DRG1: variants seen among roughly 807,000 people sequenced by gnomAD.
DRG1 encodes developmentally-regulated GTP-binding protein 1.
In DRG1, 19 loss-of-function variants were observed where a neutral mutation model predicts 38.8. The observed-to-expected ratio is 0.49, with a 90% CI of 0.34 to 0.72. The LOEUF (loss-of-function observed/expected upper bound fraction) is 0.72, where lower values mean the gene tolerates loss of function less well. Ranked by LOEUF, DRG1 falls within the 30% of genes least tolerant of loss-of-function variation. The pLI is 0.01. For missense variants in DRG1, 299 were observed against 444.8 expected, an observed-to-expected ratio of 0.67 and a Z score of 2.95; for synonymous variants, 167 against 157.5, an observed-to-expected ratio of 1.06 and a Z score of -0.45.
At chr22:31,427,580 T>C (rs1052426447) in intron 8 of DRG1, among the ~76,000 whole-genome samples, 5 of 152,108 alleles carry the variant, frequency 3.3e-5, no homozygotes, top group Non-Finnish European at 7.3e-5. Flanking sequence ...AAAAAATTAT[T>C]TTATTTTTGC....
intron 5 of DRG1, among the ~76,000 whole-genome samples, chr22:31,422,445 G>C (rs988984298): frequency 6.6e-6 from 1 of 152,048 alleles, no homozygotes; most frequent in Non-Finnish European, 1.5e-5. Context: ...AGAAAAAAAA[G>C]AAAGAAAAGA....
intron 4 of DRG1, among the ~76,000 whole-genome samples, chr22:31,411,968 C>A (rs761129468): frequency 3.3e-5 from 5 of 151,778 alleles, no homozygotes; most frequent in East Asian, 1.9e-4. Context: ...TGATAAAAAA[C>A]CAACTTTTTT....
chr22:31,412,758 C>T (rs1475012145), intron 4 of DRG1, among the ~76,000 whole-genome samples: 2 of 149,878 alleles, frequency 1.3e-5, no homozygotes, highest in South Asian at 4.3e-4. Context: ...GGTGGGATCT[C>T]GGCTCACTGG....
At chr22:31,433,216 T>C (rs2050150810) in intron 8 of DRG1, among the ~76,000 whole-genome samples, 1 of 151,882 alleles carries the variant, frequency 6.6e-6, no homozygotes, top group Non-Finnish European at 1.5e-5. Context: ...TGATATTGTA[T>C]CTGTAAGAAT....
chr22:31,431,426 T>C (rs1002271300), intron 8 of DRG1, among the ~76,000 whole-genome samples: 2 of 152,108 alleles, frequency 1.3e-5, no homozygotes. Context: ...CAGCACTTTG[T>C]GGCCAAGGCA....
intron 2 of DRG1, among the ~76,000 whole-genome samples, chr22:31,402,582 C>G (rs1214577118): frequency 2.8e-5 from 4 of 143,638 alleles, no homozygotes; most frequent in Non-Finnish European, 6.0e-5. Flanking sequence ...GATCACAGCT[C>G]ACTGCAGCCT....
At chr22:31,431,906 T>A (rs1036180556) in intron 8 of DRG1, among the ~76,000 whole-genome samples, 1 of 152,166 alleles carries the variant, frequency 6.6e-6, no homozygotes, top group Non-Finnish European at 1.5e-5. Context: ...TATATAGCTC[T>A]TTCCTTCTAT....
chr22:31,407,706 G>A (rs566339288), intron 3 of DRG1, among the ~76,000 whole-genome samples: 4 of 135,074 alleles, frequency 3.0e-5, no homozygotes, highest in South Asian at 2.3e-4. Context: ...TTTTGAGTAC[G>A]TTCTTGAATG....
chr22:31,421,173 C>A (rs1177245507), intron 5 of DRG1: 1 of 152,142 alleles, frequency 6.6e-6, no homozygotes, highest in South Asian at 2.1e-4. Context: ...AGTACAGTGG[C>A]ACAATCATAG....
In DRG1 at chr22:31,423,399, G is replaced by A. The variant is rs1436458136; in HGVS notation, c.702G>A (p.Val234=). ...DATADDLIDV[V]EGNRVYIPCI... ...CAGCTGATGACCTCATTGATGTGGT[G>A]GAAGGAAACAGGTACTGACTGAGTG... The change falls in exon 6 of 9, where the codon GTG becomes GTA. Residue 234 remains valine (V), a synonymous_variant. Coordinates refer to ENST00000331457, the MANE Select transcript of DRG1 (RefSeq NM_004147.4). The A allele has an allele frequency of 5.6e-6, 9 of 1,613,954 alleles. No individual in the cohort carries two copies. Among genetic ancestry groups the A allele is most frequent in the Admixed American group, 1.7e-5 (1 of 59,962 alleles).
intron 4 of DRG1, among the ~76,000 whole-genome samples, chr22:31,411,753 G>A (rs2050019502): frequency 6.6e-6 from 1 of 151,254 alleles, no homozygotes; most frequent in African/African-American, 2.4e-5. Flanking sequence ...TGAAGCTCAA[G>A]TGATCTGCCT....
At position 31,414,984 on chromosome 22, in the gene DRG1, C is replaced by CG. The variant is rs1333898341; in HGVS notation, c.412+3903_412+3904insG. The stretch of plus-strand genomic sequence containing the variant: ...TGAGAGACAGTCTCACTATGTTGTT[C>CG]AGGGTGGTCTCGAAAACCCCGGGCT... On this transcript the variant is annotated intron_variant, in intron 4 of 8. Transcript: ENST00000331457. 7.2e-5 allele frequency among the ~76,000 whole-genome samples: 11 copies of CG among 152,090 alleles called. No individual in the cohort carries two copies. In the South Asian group the frequency reaches 2.1e-3, roughly 29 times the overall value.
At chr22:31,424,672 G>C (rs973815730) in intron 6 of DRG1, among the ~76,000 whole-genome samples, 2 of 149,514 alleles carry the variant, frequency 1.3e-5, no homozygotes, top group African/African-American at 4.9e-5. Flanking sequence ...CTAATTTTTT[G>C]TATTTTTAGT....
Position 31,403,018 on chromosome 22 carries a change from T to G in DRG1, c.167-11T>G. On this transcript the variant is annotated splice_polypyrimidine_tract_variant and intron_variant, in intron 2 of 8. Coordinates refer to ENST00000331457, the MANE Select transcript of DRG1 (RefSeq NM_004147.4). ...TAACTCTCCTCTTTTTGGTATTCAT[T>G]GATGTTTTAGGTTTTGATGTGGCCA... 1.2e-6 allele frequency: 2 copies of G among 1,605,740 alleles called. No homozygotes were observed. The highest frequency in any genetic ancestry group is 1.7e-6 in the Non-Finnish European group (2 of 1,176,618).
At chr22:31,418,426 C>T (rs1415276573) in intron 4 of DRG1, among the ~76,000 whole-genome samples, 2 of 152,108 alleles carry the variant, frequency 1.3e-5, no homozygotes, top group African/African-American at 4.8e-5. Flanking sequence ...CGACTGCACT[C>T]CAGCCTGAGT....
chr22:31,400,486 TG>T, intron 1 of DRG1, 133 bp from the exon 2 acceptor site: 3 of 1,115,164 alleles, frequency 2.7e-6, no homozygotes, highest in Non-Finnish European at 3.8e-6. Context: ...GAGGAGATAA[TG>T]GACTTTTACT....
chr22:31,409,285 A>G (rs1319231356), intron 3 of DRG1, among the ~76,000 whole-genome samples: 3 of 151,972 alleles, frequency 2.0e-5, no homozygotes, highest in Non-Finnish European at 4.4e-5. Flanking sequence ...GGGTTTCACC[A>G]TGTTGGCTAG....
intron 8 of DRG1, among the ~76,000 whole-genome samples, chr22:31,431,035 C>CCCCCCCCCCT (rs2050136481): frequency 1.8e-5 from 1 of 56,764 alleles, no homozygotes; most frequent in Non-Finnish European, 3.2e-5. Flanking sequence ...CCCCCCCCCG[C>CCCCCCCCCCT]TTTTTTTTTT....
intron 3 of DRG1, among the ~76,000 whole-genome samples, chr22:31,408,752 CAA>C (rs66474618): frequency 3.6e-5 from 4 of 111,488 alleles, no homozygotes; most frequent in Admixed American, 1.0e-4. Context: ...GACTCATTCT[CAA>C]AAAAAAAAAA....
Sources: gnomAD v4.1 joint callset for allele counts (sites outside exome capture counted in the v4.1 genomes callset) on GRCh38, gnomAD v4.1.1 for gene constraint, MANE v1.5 for transcripts, NCBI Gene and HGNC (gene_info 2026-07-23, HGNC 2026-07-21) for gene names.